Variants in PRDM6 observed in about 807,000 individuals in gnomAD.
PRDM6 encodes the protein PR/SET domain 6.
Under a neutral mutation model 60.8 loss-of-function variants are expected in PRDM6, and 25 were observed. The ratio of observed to expected loss-of-function variants is 0.41; its 90% CI spans 0.30 to 0.57. The LOEUF (loss-of-function observed/expected upper bound fraction) is 0.57, where lower values mean the gene tolerates loss of function less well. Ranked by LOEUF, PRDM6 falls within the 20% of genes least tolerant of loss-of-function variation. The pLI, the probability that PRDM6 is intolerant of heterozygous loss-of-function variation, is 0.27. For missense variants in PRDM6, 839 were observed against 821.3 expected (o/e 1.02, Z -0.26); for synonymous variants, 407 against 357.4 (o/e 1.14, Z -1.57).
intron 3 of PRDM6, among the ~76,000 whole-genome samples, chr5:123,151,774 A>T (rs984030448): frequency 2.0e-5 from 3 of 152,102 alleles, no homozygotes; most frequent in Non-Finnish European, 4.4e-5. Context: ...AGGGTCCCCC[A>T]GCTCACCTTG....
chr5:123,187,196 G>A lies in PRDM6; in HGVS notation c.1783G>A (p.Asp595Asn). ...TGAGAGCCCAGAATCAATCGAAGTG[G>A]ATTAACGGATTGACTGGTTGGAATT... The part of the protein sequence containing the change: ...ITESPESIEV[D>N] Residue 595 changes from aspartate (D) to asparagine (N), a missense_variant, in exon 8 of 8, where the codon GAT becomes AAT. Physicochemically the swap from Asp to Asn is conservative, Grantham distance 23. This residue lies in a region of PRDM6 where 109 missense variants were observed against 172.6 expected (regional missense o/e 0.63). Coordinates refer to ENST00000407847, the MANE Select transcript of PRDM6 (RefSeq NM_001136239.4). 1.9e-6 allele frequency: 3 copies of A among 1,546,878 alleles called. No individual in the cohort carries two copies. Among genetic ancestry groups the A allele is most frequent in the Admixed American group, 3.9e-5 (2 of 50,990 alleles).
intron 5 of PRDM6, among the ~76,000 whole-genome samples, chr5:123,160,531 A>G (rs1197579478): frequency 6.6e-6 from 1 of 152,226 alleles, no homozygotes; most frequent in Non-Finnish European, 1.5e-5. Context: ...AAGAAACTTC[A>G]TTTTGAAAAA....
At chr5:123,157,083 A>G (rs1580525409) in intron 4 of PRDM6, among the ~76,000 whole-genome samples, 5 of 146,416 alleles carry the variant, frequency 3.4e-5, no homozygotes, top group Admixed American at 3.4e-4. Context: ...TTTTTAAACG[A>G]AGCTTAAGTT....
chr5:123,168,083 A>C (rs917435534), intron 5 of PRDM6, among the ~76,000 whole-genome samples: 1 of 152,216 alleles, frequency 6.6e-6, no homozygotes. Context: ...CTTGTCGTTC[A>C]GTGCCTATTT....
rs923507982 is a variant in PRDM6 at position 123,146,183 on chromosome 5, C to G, written c.901-9701C>G. On this transcript the variant is annotated intron_variant, in intron 3 of 7. Transcript: ENST00000407847. ...ATCATATTTTTCAGTAGCTACCAGGCTGAGGTGTAGTCAGTAACTGAGGTA... is the reference window on the plus strand; with the variant it reads ...ATCATATTTTTCAGTAGCTACCAGGGTGAGGTGTAGTCAGTAACTGAGGTA... Among the ~76,000 whole-genome samples, 7 of 152,258 alleles carry G rather than the reference C, an allele frequency of 4.6e-5. No homozygotes were observed. The East Asian group carries it at 9.6e-4, about 21-fold the overall frequency.
chr5:123,140,327 T>C (rs1765069144), intron 3 of PRDM6, among the ~76,000 whole-genome samples: 1 of 152,018 alleles, frequency 6.6e-6, no homozygotes, highest in Non-Finnish European at 1.5e-5. Context: ...GAATATATAT[T>C]TGTTTGGAAA....
rs897273498 is a variant in PRDM6, at chr5:123,188,755, T to C, written c.*1554T>C. 1.3e-5 allele frequency: 2 copies of C among 152,188 alleles called. No individual in the cohort carries two copies. Among genetic ancestry groups the C allele is most frequent in the Non-Finnish European group, 2.9e-5 (2 of 68,038 alleles). 9.4% of individuals were successfully genotyped at this position (152,188 alleles called of 1,614,324 possible). A position where few individuals can be genotyped will look rare whatever the true frequency, so the allele number is the denominator to read the frequency against. ...ACTCACTACTAAAAGGCAAGGATAC[T>C]GTGTGGTTTAGTTTAATCTATTATT... On this transcript the variant is annotated 3_prime_UTR_variant, in exon 8 of 8. Coordinates refer to ENST00000407847, the MANE Select transcript of PRDM6 (RefSeq NM_001136239.4).
chr5:123,136,336 T>C (rs1193207882), intron 3 of PRDM6, among the ~76,000 whole-genome samples: 1 of 152,168 alleles, frequency 6.6e-6, no homozygotes, highest in Non-Finnish European at 1.5e-5. Flanking sequence ...GTCGTTTTAA[T>C]GTGTTTATAG....
intron 3 of PRDM6, among the ~76,000 whole-genome samples, chr5:123,153,639 T>C (rs1765424184): frequency 6.6e-6 from 1 of 152,198 alleles, no homozygotes; most frequent in Non-Finnish European, 1.5e-5. Flanking sequence ...TCAAGGCAAG[T>C]AGCAGTTTAT....
chr5:123,149,617 A>G (rs1357765913), intron 3 of PRDM6, among the ~76,000 whole-genome samples: 4 of 152,228 alleles, frequency 2.6e-5, no homozygotes, highest in Non-Finnish European at 4.4e-5. Context: ...GCAATGAACT[A>G]AAAACTGATT....
chr5:123,117,407 T>C (rs1764481000), intron 3 of PRDM6, among the ~76,000 whole-genome samples: 1 of 152,196 alleles, frequency 6.6e-6, no homozygotes, highest in African/African-American at 2.4e-5. Flanking sequence ...CTTTGGTTTT[T>C]GGCATTTTTT....
chr5:123,156,504 T>C (rs1765503451), intron 4 of PRDM6, among the ~76,000 whole-genome samples: 1 of 152,210 alleles, frequency 6.6e-6, no homozygotes, highest in South Asian at 2.1e-4. Context: ...TTAGACTTAG[T>C]GGCAGTGACA....
At chr5:123,114,628 GT>G (rs1294431715) in intron 3 of PRDM6, among the ~76,000 whole-genome samples, 1 of 152,188 alleles carries the variant, frequency 6.6e-6, no homozygotes, top group African/African-American at 2.4e-5. Flanking sequence ...CTTCATTTTT[GT>G]ATGCTAAATT....
intron 3 of PRDM6, among the ~76,000 whole-genome samples, chr5:123,100,224 A>T (rs1335337073): frequency 6.6e-6 from 1 of 152,238 alleles, no homozygotes; most frequent in Non-Finnish European, 1.5e-5. Flanking sequence ...CTGAAGACAG[A>T]GTCACCTTAA....
At chr5:123,104,692 TA>T (rs1764168956) in intron 3 of PRDM6, among the ~76,000 whole-genome samples, 1 of 152,228 alleles carries the variant, frequency 6.6e-6, no homozygotes, top group South Asian at 2.1e-4. Flanking sequence ...TATTATGTTT[TA>T]AATTATGCAG....
chr5:123,108,803 A>G (rs1254218923), intron 3 of PRDM6, among the ~76,000 whole-genome samples: 5 of 152,170 alleles, frequency 3.3e-5, no homozygotes, highest in Non-Finnish European at 7.4e-5. Flanking sequence ...AGACATGATT[A>G]TATAATATAT....
chr5:123,150,124 C>T (rs1324374936), intron 3 of PRDM6, among the ~76,000 whole-genome samples: 5 of 152,084 alleles, frequency 3.3e-5, no homozygotes, highest in South Asian at 2.1e-4. Flanking sequence ...TGTTTTCAGT[C>T]CTTTACATAT....
intron 3 of PRDM6, among the ~76,000 whole-genome samples, chr5:123,147,279 A>AAGAGAG (rs3036135): frequency 0.19 from 28,069 of 147,340 alleles, 2,920 homozygotes; most frequent in Non-Finnish European, 0.25. Flanking sequence ...TGATACTAAA[A>AAGAGAG]AGAGAGAGAG....
intron 3 of PRDM6, among the ~76,000 whole-genome samples, chr5:123,121,696 C>T (rs1346450877): frequency 1.3e-5 from 2 of 152,146 alleles, no homozygotes; most frequent in Non-Finnish European, 2.9e-5. Context: ...TTAACAATAA[C>T]TTCTTAATGT....
Sources: gnomAD v4.1 joint callset for allele counts (sites outside exome capture counted in the v4.1 genomes callset) on GRCh38, gnomAD v4.1.1 for gene constraint, gnomAD v4.1.1 regional missense constraint, MANE v1.5 for transcripts, NCBI Gene and HGNC (gene_info 2026-07-23, HGNC 2026-07-21) for gene names.